Variants in DDHD1 observed in about 807,000 individuals in gnomAD.
DDHD1 encodes DDHD domain containing 1, also known as phospholipase DDHD1.
A neutral mutation model predicts 96.4 loss-of-function variants in DDHD1; 49 were observed. That is an observed-to-expected ratio of 0.51 (90% CI 0.40 to 0.64). The LOEUF is 0.64. Ranked by LOEUF, DDHD1 falls within the 30% of genes least tolerant of loss-of-function variation. The probability of loss-of-function intolerance (pLI) is 0.00; values close to 1 mark genes in which losing one functional copy is unlikely to be tolerated. For synonymous variants in DDHD1, 442 were observed against 446.5 expected, an observed-to-expected ratio of 0.99 and a Z score of 0.13; for missense variants, 1,106 against 1,161.2, an observed-to-expected ratio of 0.95 and a Z score of 0.69.
In DDHD1 at chr14:53,046,085, T is replaced by G. The variant is rs1324481877; in HGVS notation, c.*683A>C. 5 of 152,272 alleles carry G rather than the reference T, an allele frequency of 3.3e-5. No homozygotes were observed. The East Asian group carries it at 9.6e-4, about 29-fold the overall frequency. The allele number at this position is 152,272 out of a possible 1,614,324, so 9.4% of individuals were successfully genotyped here. A position where few individuals can be genotyped will look rare whatever the true frequency, so the allele number is the denominator to read the frequency against. ...ATGCCACAGTGTCTATATATTCATCTGAAGAGTACAAAGATGGAGTTCTGA... is the reference window on the plus strand; with the variant it reads ...ATGCCACAGTGTCTATATATTCATCGGAAGAGTACAAAGATGGAGTTCTGA... On this transcript the variant is annotated 3_prime_UTR_variant, in exon 13 of 13. Coordinates refer to ENST00000673822, the MANE Select transcript of DDHD1 (RefSeq NM_001160148.2).
intron 4 of DDHD1, among the ~76,000 whole-genome samples, chr14:53,090,421 A>G (rs928307828): frequency 6.6e-6 from 1 of 152,232 alleles, no homozygotes; most frequent in Non-Finnish European, 1.5e-5. Context: ...AGACATATGC[A>G]CACGTATGTT....
At chr14:53,103,941 G>T in intron 1 of DDHD1, 85 bp from the exon 2 acceptor site, 2 of 1,250,092 alleles carry the variant, frequency 1.6e-6, no homozygotes. Context: ...CTTATATTTT[G>T]CTACTGCTGT....
chr14:53,057,248 G>A (rs1450521689), intron 9 of DDHD1, among the ~76,000 whole-genome samples: 1 of 152,040 alleles, frequency 6.6e-6, no homozygotes, highest in African/African-American at 2.4e-5. Flanking sequence ...ATTATATGAA[G>A]CTATTTTTTC....
At chr14:53,120,169 A>T (rs1395619914) in intron 1 of DDHD1, among the ~76,000 whole-genome samples, 3 of 152,228 alleles carry the variant, frequency 2.0e-5, no homozygotes, top group Non-Finnish European at 4.4e-5. Flanking sequence ...ACAAGCAGAG[A>T]GCCAAATCAT....
At chr14:53,078,734 T>C (rs950385449) in intron 4 of DDHD1, among the ~76,000 whole-genome samples, 1 of 152,186 alleles carries the variant, frequency 6.6e-6, no homozygotes, top group Non-Finnish European at 1.5e-5. Flanking sequence ...AAACGTACAG[T>C]ACAATGCTGA....
intron 9 of DDHD1, among the ~76,000 whole-genome samples, chr14:53,057,655 T>A (rs1160316341): frequency 2.0e-5 from 3 of 152,236 alleles, no homozygotes; most frequent in African/African-American, 7.2e-5. Flanking sequence ...GAAAGTCCAG[T>A]AGACTCCTGT....
chr14:53,082,947 G>T (rs1342976285), intron 4 of DDHD1, among the ~76,000 whole-genome samples: 2 of 152,044 alleles, frequency 1.3e-5, no homozygotes, highest in African/African-American at 4.8e-5. Flanking sequence ...TGCACCTTTT[G>T]TGTGGAAAAA....
rs565419600 is a variant in DDHD1 at position 53,036,954 on chromosome 14, C to G, written c.*9814G>C. 11 of 152,234 alleles carry G rather than the reference C, an allele frequency of 7.2e-5. No homozygotes were observed. The East Asian group carries it at 2.1e-3, about 29-fold the overall frequency. The allele number at this position is 152,234 out of a possible 1,614,324, so 9.4% of individuals were successfully genotyped here. A position where few individuals can be genotyped will look rare whatever the true frequency, so the allele number is the denominator to read the frequency against. ...CCCTCCTCACCCACAGTGTTCCAGT[C>G]TGCAGTGTCTGTTGTTCCCACCTTT... is the stretch of plus-strand genomic sequence containing the variant. On this transcript the variant is annotated 3_prime_UTR_variant, in exon 13 of 13. Coordinates refer to ENST00000673822, the MANE Select transcript of DDHD1 (RefSeq NM_001160148.2).
intron 4 of DDHD1, among the ~76,000 whole-genome samples, chr14:53,077,560 C>A (rs1403676092): frequency 1.3e-5 from 2 of 151,982 alleles, no homozygotes; most frequent in Non-Finnish European, 2.9e-5. Flanking sequence ...ATATTTGATG[C>A]ATATCAATCC....
chr14:53,132,931 C>A (rs1889983371), intron 1 of DDHD1, among the ~76,000 whole-genome samples: 1 of 152,212 alleles, frequency 6.6e-6, no homozygotes, highest in African/African-American at 2.4e-5. Context: ...TACTCTCCCA[C>A]TGAAACTTCC....
chr14:53,102,277 A>G (rs1887359158), intron 2 of DDHD1, among the ~76,000 whole-genome samples: 1 of 152,066 alleles, frequency 6.6e-6, no homozygotes, highest in Admixed American at 6.5e-5. Context: ...AGATATATAA[A>G]ACTTGCTATT....
chr14:53,087,602 T>C (rs1055315814), intron 4 of DDHD1, among the ~76,000 whole-genome samples: 6 of 152,174 alleles, frequency 3.9e-5, no homozygotes, highest in African/African-American at 1.4e-4. Flanking sequence ...AAAGATGTTC[T>C]TTGAAACCAA....
At chr14:53,135,918 G>A (rs1034380310) in intron 1 of DDHD1, among the ~76,000 whole-genome samples, 8 of 152,186 alleles carry the variant, frequency 5.3e-5, no homozygotes, top group Admixed American at 1.3e-4. Context: ...CTGAGCCCAA[G>A]CTAAGCCATC....
intron 1 of DDHD1, among the ~76,000 whole-genome samples, chr14:53,150,706 T>A (rs544873445): frequency 1.3e-5 from 2 of 152,338 alleles, no homozygotes; most frequent in East Asian, 1.9e-4. Context: ...AAAAAAAATC[T>A]ATGATTATGT....
At chr14:53,068,780 AT>A (rs1261334378) in intron 6 of DDHD1, among the ~76,000 whole-genome samples, 59 of 152,212 alleles carry the variant, frequency 3.9e-4, no homozygotes, top group Admixed American at 2.9e-3. Flanking sequence ...TCTTAAACGA[AT>A]TATCAGTTTG....
chr14:53,054,349 T>C, intron 11 of DDHD1, 89 bp downstream of exon 11: 1 of 1,133,668 alleles, frequency 8.8e-7, no homozygotes, highest in Middle Eastern at 2.9e-4. Context: ...TAGAGTTGAC[T>C]AGCTAGTATT....
chr14:53,052,934 A>C (rs1882729509), intron 11 of DDHD1: 1 of 151,480 alleles, frequency 6.6e-6, no homozygotes, highest in Non-Finnish European at 1.5e-5. Context: ...TGGAAGAAAA[A>C]ACTGGGGGTT....
At chr14:53,051,683 A>C (rs1194376138) in intron 12 of DDHD1, among the ~76,000 whole-genome samples, 161 bp downstream of exon 12, 2 of 151,968 alleles carry the variant, frequency 1.3e-5, no homozygotes, top group African/African-American at 4.8e-5. Flanking sequence ...ACCATTTAAG[A>C]CTAGAAAATA....
At position 53,153,178 on chromosome 14, in the gene DDHD1, GCCCT is replaced by G. The variant is rs960791737; in HGVS notation, c.-84_-81del. 3 of 1,196,170 alleles carry G rather than the reference GCCCT, an allele frequency of 2.5e-6. No homozygotes were observed. The highest frequency in any genetic ancestry group is 1.6e-5 in the African/African-American group (1 of 61,534). The allele number at this position is 1,196,170 out of a possible 1,614,324, so 74.1% of individuals were successfully genotyped here. ...CTTCCGCCACACATTCAACGCCGCC[GCCCT>G]CTCCACCCGAAGTTTCTAATCTTTC... On this transcript the variant is annotated 5_prime_UTR_variant, in exon 1 of 13. Transcript: ENST00000673822.
Sources: gnomAD v4.1 joint callset for allele counts (sites outside exome capture counted in the v4.1 genomes callset) on GRCh38, gnomAD v4.1.1 for gene constraint, MANE v1.5 for transcripts, NCBI Gene and HGNC (gene_info 2026-07-23, HGNC 2026-07-21) for gene names.